Variants in FGF14 observed in about 807,000 individuals in gnomAD.
FGF14 encodes the protein fibroblast growth factor 14.
In FGF14, 5 loss-of-function variants were observed where a neutral mutation model predicts 25.5. That is an observed-to-expected ratio of 0.20 (90% confidence interval 0.10 to 0.41). FGF14 has a LOEUF of 0.41. Ranked by LOEUF, FGF14 falls within the 10% of genes least tolerant of loss-of-function variation. The probability of loss-of-function intolerance (pLI) is 1.00; values close to 1 mark genes in which losing one functional copy is unlikely to be tolerated. For synonymous variants in FGF14, 138 were observed against 118.3 expected (o/e 1.17, Z -1.08); for missense variants, 222 against 320.1 (o/e 0.69, Z 2.34).
At chr13:102,375,963 G>C (rs932188861) in intron 1 of FGF14, among the ~76,000 whole-genome samples, 1 of 152,134 alleles carries the variant, frequency 6.6e-6, no homozygotes, top group Non-Finnish European at 1.5e-5. Flanking sequence ...GTAGTATCTA[G>C]AGTACATCTC....
intron 1 of FGF14, among the ~76,000 whole-genome samples, chr13:102,069,327 C>T (rs190563429): frequency 3.2e-4 from 48 of 152,234 alleles, no homozygotes; most frequent in African/African-American, 9.6e-4. Flanking sequence ...CACCAATCAG[C>T]GCCCTGTCAA....
intron 1 of FGF14, among the ~76,000 whole-genome samples, chr13:101,888,277 G>T (rs1217786424): frequency 6.6e-6 from 1 of 152,114 alleles, no homozygotes; most frequent in Non-Finnish European, 1.5e-5. Context: ...GCTGGTAGCG[G>T]TAACCTATTC....
chr13:102,097,550 A>G (rs1027661435), intron 1 of FGF14, among the ~76,000 whole-genome samples: 2 of 152,166 alleles, frequency 1.3e-5, no homozygotes, highest in African/African-American at 4.8e-5. Context: ...CATATTCTTC[A>G]TGGTCCAAGT....
At chr13:101,908,647 T>C (rs1394452593) in intron 1 of FGF14, among the ~76,000 whole-genome samples, 2 of 152,138 alleles carry the variant, frequency 1.3e-5, no homozygotes, top group African/African-American at 4.8e-5. Flanking sequence ...ATCAATATCA[T>C]GAAAATGGCC....
intron 3 of FGF14, among the ~76,000 whole-genome samples, chr13:101,833,545 T>C (rs1359746330): frequency 6.6e-6 from 1 of 152,052 alleles, no homozygotes; most frequent in Non-Finnish European, 1.5e-5. Context: ...CCCTTTCAAG[T>C]TGTGCAAAGA....
chr13:102,264,943 G>C (rs994384015), intron 1 of FGF14, among the ~76,000 whole-genome samples: 1 of 152,096 alleles, frequency 6.6e-6, no homozygotes, highest in Non-Finnish European at 1.5e-5. Context: ...AGAGTAGATA[G>C]GAGGAGGAAA....
chr13:101,982,274 T>C (rs1393372738), intron 1 of FGF14, among the ~76,000 whole-genome samples: 1 of 152,234 alleles, frequency 6.6e-6, no homozygotes, highest in African/African-American at 2.4e-5. Context: ...AAATTATGCT[T>C]TTCTATTTTA....
At chr13:102,074,386 C>T (rs2043275595) in intron 1 of FGF14, among the ~76,000 whole-genome samples, 1 of 152,156 alleles carries the variant, frequency 6.6e-6, no homozygotes, top group African/African-American at 2.4e-5. Flanking sequence ...TCACCCAACT[C>T]CCTACCTGGC....
chr13:102,247,323 T>C (rs555811874), intron 1 of FGF14, among the ~76,000 whole-genome samples: 2 of 152,050 alleles, frequency 1.3e-5, no homozygotes, highest in Non-Finnish European at 2.9e-5. Flanking sequence ...AGAAAATATT[T>C]GCAAATTATG....
intron 1 of FGF14, among the ~76,000 whole-genome samples, chr13:101,994,795 G>A (rs1036811599): frequency 2.0e-5 from 3 of 151,874 alleles, no homozygotes; most frequent in Admixed American, 6.6e-5. Flanking sequence ...CTAAGCCCCC[G>A]AGTTAATTTC....
intron 1 of FGF14, among the ~76,000 whole-genome samples, chr13:102,081,607 T>C (rs1450707682): frequency 1.3e-5 from 2 of 152,206 alleles, no homozygotes; most frequent in Admixed American, 6.5e-5. Context: ...ATTGTGGCCT[T>C]ATTATCAATT....
intron 1 of FGF14, among the ~76,000 whole-genome samples, chr13:101,975,860 C>T (rs1356765781): frequency 2.0e-5 from 3 of 152,150 alleles, no homozygotes; most frequent in African/African-American, 2.4e-5. Flanking sequence ...AGAACAAAAT[C>T]CACTTGGACA....
chr13:101,867,660 T>C (rs1037940518), intron 3 of FGF14, among the ~76,000 whole-genome samples: 1 of 152,150 alleles, frequency 6.6e-6, no homozygotes, highest in African/African-American at 2.4e-5. Flanking sequence ...GGCAACATGC[T>C]GCATATTCGT....
chr13:102,229,013 T>G (rs930119805), intron 1 of FGF14, among the ~76,000 whole-genome samples: 1 of 152,186 alleles, frequency 6.6e-6, no homozygotes, highest in African/African-American at 2.4e-5. Flanking sequence ...TATTCTCACT[T>G]CCTTCTGTAT....
chr13:101,821,838 G>C (rs1445686351), intron 3 of FGF14, among the ~76,000 whole-genome samples: 2 of 152,122 alleles, frequency 1.3e-5, no homozygotes, highest in African/African-American at 4.8e-5. Flanking sequence ...TTTGTGAAGT[G>C]CTGTTTCAAT....
In FGF14 at chr13:101,721,477, C is replaced by CTGAG. The variant is rs1316202480; in HGVS notation, c.*1350_*1353dup. 6.6e-6 allele frequency: 1 copy of CTGAG among 152,062 alleles called. No homozygotes were observed. The highest frequency in any genetic ancestry group is 1.5e-5 in the Non-Finnish European group (1 of 68,018). The allele number at this position is 152,062 out of a possible 1,614,324, so 9.4% of individuals were successfully genotyped here. A position where few individuals can be genotyped will look rare whatever the true frequency, so the allele number is the denominator to read the frequency against. On this transcript the variant is annotated 3_prime_UTR_variant, in exon 5 of 5. Coordinates refer to ENST00000376143, the MANE Select transcript of FGF14 (RefSeq NM_004115.4). ...CTAGGATAATTCAACAGACTGTATT[C>CTGAG]TGAGATCATGGCAAGGCACCTCTAA...
At chr13:101,878,183 A>C (rs1368782938) in intron 1 of FGF14, among the ~76,000 whole-genome samples, 3 of 152,130 alleles carry the variant, frequency 2.0e-5, no homozygotes, top group African/African-American at 7.2e-5. Context: ...AATATTCCAT[A>C]ATTTCCCACA....
chr13:102,329,520 C>G (rs189454704), intron 1 of FGF14, among the ~76,000 whole-genome samples: 2 of 152,174 alleles, frequency 1.3e-5, no homozygotes, highest in Non-Finnish European at 2.9e-5. Flanking sequence ...TGACCACTCC[C>G]TTCCCTGTTG....
chr13:101,745,152 T>C (rs1478020419), intron 3 of FGF14, among the ~76,000 whole-genome samples: 3 of 152,086 alleles, frequency 2.0e-5, no homozygotes, highest in African/African-American at 4.8e-5. Flanking sequence ...GTGAACTACA[T>C]AGCACACTTA....
Sources: allele counts gnomAD v4.1 joint callset (sites outside exome capture counted in the v4.1 genomes callset), GRCh38; gene constraint gnomAD v4.1.1; transcripts MANE v1.5; gene names NCBI Gene and HGNC (gene_info 2026-07-23, HGNC 2026-07-21).